Variants in USP37 observed in about 807,000 individuals in gnomAD.
USP37 encodes the protein ubiquitin specific peptidase 37.
USP37 carries 27 observed loss-of-function variants against 124.0 expected under a neutral mutation model. That is an observed-to-expected ratio of 0.22 (90% CI 0.16 to 0.30). The LOEUF (loss-of-function observed/expected upper bound fraction) is 0.30. Among genes scored for constraint, USP37 ranks in the 10% least tolerant of loss-of-function variants. The probability of loss-of-function intolerance (pLI) is 1.00; values close to 1 mark genes in which losing one functional copy is unlikely to be tolerated. For synonymous variants in USP37, 365 were observed against 388.0 expected (o/e 0.94, Z 0.70); for missense variants, 889 against 1,140.4 (o/e 0.78, Z 3.17).
At chr2:218,534,436 C>T (rs917570462) in intron 9 of USP37, among the ~76,000 whole-genome samples, 173 bp downstream of exon 9, 1 of 152,100 alleles carries the variant, frequency 6.6e-6, no homozygotes, top group Admixed American at 6.5e-5. Flanking sequence ...TTGCAGTGAG[C>T]CGATATTGTG....
chr2:218,489,178 T>C (rs973714945), intron 14 of USP37, among the ~76,000 whole-genome samples: 3 of 150,278 alleles, frequency 2.0e-5, no homozygotes, highest in African/African-American at 7.3e-5. Flanking sequence ...GCCAACATGG[T>C]GAAACCTTGT....
chr2:218,538,385 G>T (rs1313117274), intron 8 of USP37, among the ~76,000 whole-genome samples: 1 of 152,158 alleles, frequency 6.6e-6, no homozygotes, highest in Non-Finnish European at 1.5e-5. Flanking sequence ...GGAAAGAAAT[G>T]ATTTATGGAA....
intron 10 of USP37, among the ~76,000 whole-genome samples, chr2:218,526,571 C>A (rs113140915): frequency 3.3e-4 from 50 of 152,236 alleles, no homozygotes; most frequent in African/African-American, 1.2e-3. Flanking sequence ...CACAACTTCA[C>A]CAGCATCTTT....
In USP37 at chr2:218,547,049, G is replaced by A; in HGVS notation, c.472C>T (p.Pro158Ser). The A allele has an allele frequency of 6.2e-7, 1 of 1,609,614 alleles. No individual in the cohort carries two copies. Among genetic ancestry groups the A allele is most frequent in the Non-Finnish European group, 8.5e-7 (1 of 1,179,068 alleles). Residue 158 changes from proline to serine, a missense_variant, in exon 7 of 26, where the codon CCA becomes TCA. Around this residue, in one of 3 missense-constraint regions of USP37, gnomAD observed 374 missense variants for 386.0 expected, o/e 0.97. Transcript: ENST00000258399. Reference sequence around the variant, plus strand: ...GGATTACCAAGAACTTTTCGAAATGGAATATCATCTTTAGTTTCCAAACTT... The same window carrying A: ...GGATTACCAAGAACTTTTCGAAATGAAATATCATCTTTAGTTTCCAAACTT... ...RGSLETKDDIPFRKVLGNPGR... is the reference protein window; with the variant it reads ...RGSLETKDDISFRKVLGNPGR...
chr2:218,457,268 G>A (rs2106403826), intron 23 of USP37, 107 bp from the exon 24 acceptor site: 1 of 1,073,934 alleles, frequency 9.3e-7, no homozygotes, highest in East Asian at 2.6e-5. Context: ...TTGGTATGTG[G>A]CATAGTAAGA....
intron 2 of USP37, among the ~76,000 whole-genome samples, chr2:218,562,096 T>C (rs942849573): frequency 6.6e-6 from 1 of 152,262 alleles, no homozygotes; most frequent in African/African-American, 2.4e-5. Context: ...ATAAACTTTT[T>C]CATAATGCCT....
At chr2:218,521,368 C>T (rs1690609929) in intron 10 of USP37, among the ~76,000 whole-genome samples, 2 of 152,070 alleles carry the variant, frequency 1.3e-5, no homozygotes. Flanking sequence ...GGATACTGTA[C>T]AGAATGTACA....
intron 22 of USP37, 141 bp from the exon 23 acceptor site, chr2:218,460,046 C>A: frequency 6.4e-6 from 2 of 312,586 alleles, no homozygotes. Flanking sequence ...GCCTGACCAA[C>A]ATGGTCAGAG....
chr2:218,535,295 G>A (rs1382397944), intron 8 of USP37, among the ~76,000 whole-genome samples: 2 of 152,124 alleles, frequency 1.3e-5, no homozygotes, highest in East Asian at 3.9e-4. Context: ...GAACCTGGGA[G>A]GTGGAGGTTG....
At chr2:218,519,958 G>C (rs1195132967) in intron 10 of USP37, among the ~76,000 whole-genome samples, 2 of 151,694 alleles carry the variant, frequency 1.3e-5, no homozygotes, top group African/African-American at 2.4e-5. Flanking sequence ...TCCTTTATTT[G>C]AAAGAGTTTT....
intron 13 of USP37, 110 bp from the exon 14 acceptor site, chr2:218,496,060 G>T: frequency 3.8e-6 from 4 of 1,051,232 alleles, no homozygotes; most frequent in Non-Finnish European, 4.0e-6. Flanking sequence ...CTGGAAGGCT[G>T]AGGCAGGCGG....
At chr2:218,540,214 A>AAG (rs1209330787) in intron 8 of USP37, among the ~76,000 whole-genome samples, 1 of 152,144 alleles carries the variant, frequency 6.6e-6, no homozygotes, top group Non-Finnish European at 1.5e-5. Flanking sequence ...ATGGCTATTA[A>AAG]GTGACTAATG....
chr2:218,453,762 C>T lies in USP37; in HGVS notation c.*1168G>A, dbSNP rs1313490916. On this transcript the variant is annotated 3_prime_UTR_variant, in exon 26 of 26. Coordinates refer to ENST00000258399, the MANE Select transcript of USP37 (RefSeq NM_020935.3). ...TTGTTAGTTTTTGGGATTACCTAAGCCAATCACATTTTAATTGCAACCCTA... is the reference window on the plus strand; with the variant it reads ...TTGTTAGTTTTTGGGATTACCTAAGTCAATCACATTTTAATTGCAACCCTA... 2.6e-5 allele frequency: 4 copies of T among 152,134 alleles called. No homozygotes were observed. The highest frequency in any genetic ancestry group is 5.9e-5 in the Non-Finnish European group (4 of 68,018). The allele number at this position is 152,134 out of a possible 1,614,324, so 9.4% of individuals were successfully genotyped here. A position where few individuals can be genotyped will look rare whatever the true frequency, so the allele number is the denominator to read the frequency against.
In USP37 at chr2:218,482,099, A is replaced by G; in HGVS notation, c.1806T>C (p.Phe602=). Residue 602 remains phenylalanine, a synonymous_variant, in exon 17 of 26, where the codon TTT becomes TTC. Coordinates refer to ENST00000258399, the MANE Select transcript of USP37 (RefSeq NM_020935.3). ...SHCTENTKPP[F]TLGWSAHMAI... ...CCATATGTGCACTCCAACCAAGGGT[A>G]AAAGGTGGTTTTGTATTTTCAGTGC... The G allele has an allele frequency of 1.2e-6, 2 of 1,613,174 alleles. No individual in the cohort carries two copies. Among genetic ancestry groups the G allele is most frequent in the South Asian group, 2.2e-5 (2 of 90,966 alleles).
intron 4 of USP37, among the ~76,000 whole-genome samples, chr2:218,557,364 G>A (rs1693047932): frequency 1.3e-5 from 2 of 151,856 alleles, no homozygotes; most frequent in South Asian, 4.2e-4. Flanking sequence ...AAAAAAATGA[G>A]CCTGTATTTG....
chr2:218,543,146 A>C (rs78153630), intron 8 of USP37, among the ~76,000 whole-genome samples: 1,945 of 152,272 alleles, frequency 0.013, 48 homozygotes, highest in African/African-American at 0.045. Context: ...TGCTTTCAAC[A>C]AGGTCCTATT....
At chr2:218,556,501 C>CTTT (rs1692981478) in intron 4 of USP37, among the ~76,000 whole-genome samples, 3 of 40,534 alleles carry the variant, frequency 7.4e-5, no homozygotes, top group African/African-American at 1.8e-4. Context: ...CTGGGTTTTT[C>CTTT]TGTTTTTTTT....
intron 1 of USP37, among the ~76,000 whole-genome samples, chr2:218,564,545 C>T (rs1693480962): frequency 1.3e-5 from 2 of 152,206 alleles, no homozygotes; most frequent in South Asian, 2.1e-4. Context: ...TTACCTCCAA[C>T]AAATCCTTTA....
At chr2:218,557,487 A>C (rs928895837) in intron 4 of USP37, among the ~76,000 whole-genome samples, 1 of 151,786 alleles carries the variant, frequency 6.6e-6, no homozygotes, top group Non-Finnish European at 1.5e-5. Flanking sequence ...TGATACACGA[A>C]ATCATAGGCA....
Sources: allele counts gnomAD v4.1 joint callset (sites outside exome capture counted in the v4.1 genomes callset), GRCh38; gene constraint gnomAD v4.1.1; regional missense constraint gnomAD v4.1.1; transcripts MANE v1.5; gene names NCBI Gene and HGNC (gene_info 2026-07-23, HGNC 2026-07-21).